Variants in DLG2 observed in about 807,000 individuals in gnomAD.
DLG2 encodes the protein discs large MAGUK scaffold protein 2, also known as disks large homolog 2.
In DLG2, 45 loss-of-function variants were observed where a neutral mutation model predicts 132.5. That is an observed-to-expected ratio of 0.34 (90% CI 0.27 to 0.44). The LOEUF (loss-of-function observed/expected upper bound fraction) is 0.44, where lower values mean the gene tolerates loss of function less well. Among genes scored for constraint, DLG2 ranks in the 20% least tolerant of loss-of-function variants. The pLI is 1.00. For missense variants in DLG2, 1,045 were observed against 1,196.9 expected, an observed-to-expected ratio of 0.87 and a Z score of 1.87; for synonymous variants, 424 against 419.6, an observed-to-expected ratio of 1.01 and a Z score of -0.13.
intron 6 of DLG2, among the ~76,000 whole-genome samples, chr11:84,671,148 G>A: frequency 6.6e-6 from 1 of 150,970 alleles, no homozygotes; most frequent in Non-Finnish European, 1.5e-5. Context: ...AGATTGGAGT[G>A]CAGTGGTGAG....
intron 6 of DLG2, among the ~76,000 whole-genome samples, chr11:84,830,963 C>CCG (rs1490362242): frequency 9.2e-6 from 1 of 108,648 alleles, no homozygotes; most frequent in Non-Finnish European, 1.8e-5. Context: ...CCCCCACCCC[C>CCG]CCCAGCTCTG....
intron 19 of DLG2, among the ~76,000 whole-genome samples, chr11:83,581,735 A>C (rs2096980096): frequency 6.6e-6 from 1 of 152,088 alleles, no homozygotes. Context: ...GTAAAGAGTA[A>C]GAGTGCATTA....
intron 18 of DLG2, among the ~76,000 whole-genome samples, chr11:83,671,315 T>C (rs2076788469): frequency 6.6e-6 from 1 of 152,160 alleles, no homozygotes. Flanking sequence ...TCTTAAGAAT[T>C]AGATGAATGT....
intron 18 of DLG2, among the ~76,000 whole-genome samples, chr11:83,757,160 T>C (rs1435241845): frequency 3.9e-5 from 6 of 152,164 alleles, no homozygotes; most frequent in African/African-American, 1.4e-4. Flanking sequence ...ATTTTCACTA[T>C]GAAGAAAAAT....
intron 4 of DLG2, among the ~76,000 whole-genome samples, chr11:85,266,487 A>T (rs2077219572): frequency 6.6e-6 from 1 of 152,316 alleles, no homozygotes; most frequent in East Asian, 1.9e-4. Context: ...GAGGGATAGC[A>T]TCAGGAGAAG....
chr11:84,111,394 G>T (rs892432549), intron 9 of DLG2, among the ~76,000 whole-genome samples: 12 of 152,160 alleles, frequency 7.9e-5, no homozygotes, highest in African/African-American at 2.9e-4. Context: ...ACGTGAGAGA[G>T]ACACTATTCA....
chr11:83,810,482 A>G (rs2046980580), intron 17 of DLG2, among the ~76,000 whole-genome samples: 1 of 152,064 alleles, frequency 6.6e-6, no homozygotes, highest in African/African-American at 2.4e-5. Flanking sequence ...GGATAGGTAT[A>G]TTTTCAAGAA....
At chr11:83,873,434 A>G (rs1435972247) in intron 16 of DLG2, among the ~76,000 whole-genome samples, 1 of 152,158 alleles carries the variant, frequency 6.6e-6, no homozygotes, top group African/African-American at 2.4e-5. Flanking sequence ...ATGACAGTGA[A>G]TAAGTCTCAT....
chr11:83,986,786 T>C (rs1372376793), intron 11 of DLG2, among the ~76,000 whole-genome samples: 2 of 152,206 alleles, frequency 1.3e-5, no homozygotes, highest in Non-Finnish European at 2.9e-5. Flanking sequence ...ATTGTGGTTT[T>C]TGTTTGCATT....
chr11:83,976,775 AT>A (rs2092284593), intron 12 of DLG2, among the ~76,000 whole-genome samples: 1 of 151,946 alleles, frequency 6.6e-6, no homozygotes, highest in African/African-American at 2.4e-5. Context: ...ACTCAAAACA[AT>A]TAAGGATTAT....
Position 84,581,275 on chromosome 11 carries a change from G to C in DLG2, c.358-46544C>G, listed in dbSNP as rs1156995014. The stretch of plus-strand genomic sequence containing the variant: ...AAGACATTCCATCTTTGGAAGTCTA[G>C]TGGAGTCGGTTTTTCTGTCTCTCAT... On this transcript the variant is annotated intron_variant, in intron 6 of 27. Coordinates refer to ENST00000376104, the MANE Select transcript of DLG2 (RefSeq NM_001142699.3). 2.0e-5 allele frequency among the ~76,000 whole-genome samples: 3 copies of C among 152,178 alleles called. No homozygotes were observed. The East Asian group carries it at 5.8e-4, about 29-fold the overall frequency.
intron 2 of DLG2, among the ~76,000 whole-genome samples, chr11:85,616,533 C>T (rs138245555): frequency 4.6e-4 from 70 of 152,074 alleles, no homozygotes; most frequent in African/African-American, 1.5e-3. Flanking sequence ...GCCTCAGGGG[C>T]GCTATATGCC....
At chr11:84,671,857 A>T (rs2099706211) in intron 6 of DLG2, among the ~76,000 whole-genome samples, 1 of 152,112 alleles carries the variant, frequency 6.6e-6, no homozygotes, top group South Asian at 2.1e-4. Flanking sequence ...TAAATTTGTG[A>T]AACGAGATTT....
At chr11:84,489,436 C>T (rs61897713) in intron 7 of DLG2, among the ~76,000 whole-genome samples, 3,914 of 152,170 alleles carry the variant, frequency 0.026, 92 homozygotes, top group Non-Finnish European at 0.039. Context: ...CACTCCATTC[C>T]CTGCTTCCAG....
intron 16 of DLG2, among the ~76,000 whole-genome samples, chr11:83,865,498 G>A (rs1037008729): frequency 6.6e-6 from 1 of 151,810 alleles, no homozygotes; most frequent in Admixed American, 6.6e-5. Context: ...AAAAGAAAAT[G>A]AATGGCAAAT....
chr11:84,351,644 G>C (rs2098573033), intron 7 of DLG2, among the ~76,000 whole-genome samples: 1 of 152,080 alleles, frequency 6.6e-6, no homozygotes, highest in African/African-American at 2.4e-5. Flanking sequence ...CCATAAGTCT[G>C]GTCCCTTTAT....
chr11:85,584,116 G>A (rs2078805511), intron 3 of DLG2, among the ~76,000 whole-genome samples: 1 of 152,066 alleles, frequency 6.6e-6, no homozygotes, highest in Non-Finnish European at 1.5e-5. Context: ...CCTAAGCAGT[G>A]TACTTGGGTA....
intron 3 of DLG2, among the ~76,000 whole-genome samples, chr11:85,322,933 G>A (rs1311533262): frequency 7.2e-5 from 11 of 152,156 alleles, no homozygotes. Context: ...CTTTAAATAG[G>A]ATAATCTTTT....
intron 11 of DLG2, among the ~76,000 whole-genome samples, chr11:83,985,303 C>T (rs1438772799): frequency 6.6e-6 from 1 of 152,060 alleles, no homozygotes; most frequent in Non-Finnish European, 1.5e-5. Flanking sequence ...TCATTCCACT[C>T]AAAACACACT....
Sources: gnomAD v4.1 joint callset for allele counts (sites outside exome capture counted in the v4.1 genomes callset) on GRCh38, gnomAD v4.1.1 for gene constraint, MANE v1.5 for transcripts, NCBI Gene and HGNC (gene_info 2026-07-23, HGNC 2026-07-21) for gene names.